OTOP1: variants seen among roughly 807,000 people sequenced by gnomAD.
OTOP1 encodes otopetrin 1.
OTOP1 carries 59 observed loss-of-function variants against 52.9 expected under a neutral mutation model. The observed-to-expected ratio is 1.12, with a 90% CI of 0.91 to 1.39. OTOP1 has a LOEUF of 1.39. Ranked by LOEUF, OTOP1 falls within the 40% of genes most tolerant of loss-of-function variation. The pLI is 0.00. For synonymous variants in OTOP1, 317 were observed against 337.7 expected, an observed-to-expected ratio of 0.94 and a Z score of 0.67; for missense variants, 761 against 800.9, an observed-to-expected ratio of 0.95 and a Z score of 0.60.
chr4:4,194,123 A>C (rs1435983744), intron 5 of OTOP1, among the ~76,000 whole-genome samples: 1 of 152,192 alleles, frequency 6.6e-6, no homozygotes, highest in African/African-American at 2.4e-5. Flanking sequence ...TGGGAGGCGG[A>C]GGTTGCAATG....
chr4:4,195,352 G>A (rs578001543), intron 5 of OTOP1, among the ~76,000 whole-genome samples: 165 of 152,260 alleles, frequency 1.1e-3, no homozygotes, highest in African/African-American at 3.9e-3. Context: ...TTGCTGATGC[G>A]GACAGATAGG....
At chr4:4,224,904 C>T (rs560713603) in intron 1 of OTOP1, among the ~76,000 whole-genome samples, 2 of 152,320 alleles carry the variant, frequency 1.3e-5, no homozygotes, top group South Asian at 4.1e-4. Context: ...GGCATCTGGC[C>T]AGGACCTTTG....
chr4:4,198,426 A>C (rs913146431), intron 4 of OTOP1, among the ~76,000 whole-genome samples: 2 of 152,320 alleles, frequency 1.3e-5, no homozygotes, highest in Non-Finnish European at 2.9e-5. Flanking sequence ...AGACAGACGG[A>C]AAAAATCTGG....
At chr4:4,207,001 C>A (rs546769563) in intron 2 of OTOP1, among the ~76,000 whole-genome samples, 2 of 152,278 alleles carry the variant, frequency 1.3e-5, no homozygotes, top group African/African-American at 4.8e-5. Flanking sequence ...CTATAGCATG[C>A]CAAACACTGG....
At chr4:4,225,178 C>A (rs112845356) in intron 1 of OTOP1, among the ~76,000 whole-genome samples, 2 of 152,152 alleles carry the variant, frequency 1.3e-5, no homozygotes, top group African/African-American at 4.8e-5. Flanking sequence ...TGCACTTGGC[C>A]TCTCCTGGGA....
At chr4:4,212,647 C>T (rs1040959090) in intron 2 of OTOP1, among the ~76,000 whole-genome samples, 9 of 152,144 alleles carry the variant, frequency 5.9e-5, no homozygotes, top group African/African-American at 2.2e-4. Flanking sequence ...AGAAGTTCTG[C>T]CTCATAGGAT....
intron 2 of OTOP1, among the ~76,000 whole-genome samples, chr4:4,210,896 T>C (rs576381736): frequency 2.2e-4 from 33 of 152,122 alleles, no homozygotes; most frequent in African/African-American, 7.7e-4. Context: ...TTATTTAACC[T>C]CAATTTCCTC....
At chr4:4,199,742 C>T (rs1716738100) in intron 4 of OTOP1, among the ~76,000 whole-genome samples, 1 of 152,104 alleles carries the variant, frequency 6.6e-6, no homozygotes, top group African/African-American at 2.4e-5. Flanking sequence ...AGAAAGTAAT[C>T]TCGTTTCAAG....
intron 1 of OTOP1, among the ~76,000 whole-genome samples, chr4:4,214,531 T>C (rs34096660): frequency 0.33 from 49,771 of 151,936 alleles, 8,355 homozygotes; most frequent in South Asian, 0.46. Flanking sequence ...ATTTTCAGTA[T>C]CCAAAAGGTG....
chr4:4,219,995 G>C (rs1717253030), intron 1 of OTOP1, among the ~76,000 whole-genome samples: 1 of 54,564 alleles, frequency 1.8e-5, no homozygotes, highest in African/African-American at 1.1e-4. Context: ...GTATATAGGT[G>C]TATATACATA....
chr4:4,197,250 G>T lies in OTOP1; in HGVS notation c.1584C>A (p.Val528=), dbSNP rs759682958. The T allele has an allele frequency of 2.5e-6, 4 of 1,614,048 alleles. No individual in the cohort carries two copies. Among genetic ancestry groups the T allele is most frequent in the Non-Finnish European group, 3.4e-6 (4 of 1,180,044 alleles). Residue 528 remains valine (V), a synonymous_variant, in exon 5 of 6, where the codon GTC becomes GTA. Coordinates refer to ENST00000296358, the MANE Select transcript of OTOP1 (RefSeq NM_177998.3). ...ESSWGGSPSP[V]RLPRFLQGNA... ...TGCCCTGTAAGAAACGGGGAAGGCG[G>T]ACTGGGCTTGGGCTCCCTCCCCAGC...
chr4:4,211,678 T>C (rs1313982564), intron 2 of OTOP1, among the ~76,000 whole-genome samples: 1 of 152,072 alleles, frequency 6.6e-6, no homozygotes, highest in East Asian at 1.9e-4. Flanking sequence ...GGCAGGTGGA[T>C]CACTTGAGCT....
rs1401003455 is a variant in OTOP1, at chr4:4,212,787, G to A, written c.540+81C>T. On this transcript the variant is annotated intron_variant, in intron 2 of 5. Coordinates refer to ENST00000296358, the MANE Select transcript of OTOP1 (RefSeq NM_177998.3). ...TGCACACTGTCTCCACCTGCCACAC[G>A]TCTTGATGTTACAAGTTTCTACACA... 8.0e-6 allele frequency: 12 copies of A among 1,501,384 alleles called. No individual in the cohort carries two copies. In the East Asian group the frequency reaches 2.3e-4, roughly 28 times the overall value. The allele number at this position is 1,501,384 out of a possible 1,614,324, so 93.0% of individuals were successfully genotyped here.
At chr4:4,223,193 G>A (rs1390604869) in intron 1 of OTOP1, among the ~76,000 whole-genome samples, 2 of 152,172 alleles carry the variant, frequency 1.3e-5, no homozygotes, top group East Asian at 1.9e-4. Context: ...TCTCTACTTA[G>A]TGTCCCAAAG....
At chr4:4,190,486 A>G (rs1274255646) in intron 5 of OTOP1, among the ~76,000 whole-genome samples, 2 of 152,206 alleles carry the variant, frequency 1.3e-5, no homozygotes, top group Non-Finnish European at 2.9e-5. Flanking sequence ...AAATAAAAAT[A>G]AATAAATTCA....
chr4:4,199,205 A>G (rs1716719775), intron 4 of OTOP1, among the ~76,000 whole-genome samples: 1 of 131,026 alleles, frequency 7.6e-6, no homozygotes, highest in Admixed American at 7.5e-5. Context: ...TAATTTAAAA[A>G]AAACTCAGGT....
At chr4:4,226,306 G>GC (rs1717431795) in intron 1 of OTOP1, among the ~76,000 whole-genome samples, 156 bp downstream of exon 1, 1 of 131,982 alleles carries the variant, frequency 7.6e-6, no homozygotes, top group Non-Finnish European at 1.6e-5. Context: ...GAGAGGAAAG[G>GC]AAGGGCAGAC....
At chr4:4,195,886 C>A (rs1466759642) in intron 5 of OTOP1, among the ~76,000 whole-genome samples, 1 of 152,106 alleles carries the variant, frequency 6.6e-6, no homozygotes, top group South Asian at 2.1e-4. Context: ...CTCCCTCCCC[C>A]ATTATACTGA....
intron 1 of OTOP1, 130 bp from the exon 2 acceptor site, chr4:4,213,134 C>A (rs1218160682): frequency 9.3e-6 from 11 of 1,188,440 alleles, no homozygotes; most frequent in Non-Finnish European, 1.3e-5. Context: ...CACAAGGGTG[C>A]CGAGACCATT....
Sources: gnomAD v4.1 joint callset for allele counts (sites outside exome capture counted in the v4.1 genomes callset) on GRCh38, gnomAD v4.1.1 for gene constraint, MANE v1.5 for transcripts, NCBI Gene and HGNC (gene_info 2026-07-23, HGNC 2026-07-21) for gene names.